The following TARBP1 variants were observed in gnomAD, a reference collection of about 807,000 sequenced individuals.
TARBP1 encodes the protein tRNA (guanosine(18)-2'-O)-methyltransferase TARBP1.
TARBP1 carries 144 observed loss-of-function variants against 178.6 expected under a neutral mutation model. The ratio of observed to expected loss-of-function variants is 0.81; its 90% CI spans 0.70 to 0.93. The LOEUF (loss-of-function observed/expected upper bound fraction) is 0.93, where lower values mean the gene tolerates loss of function less well. Among genes scored for constraint, TARBP1 ranks in the 40% least tolerant of loss-of-function variants. TARBP1 has a pLI of 0.00. For synonymous variants in TARBP1, 787 were observed against 781.0 expected (o/e 1.01, Z -0.13); for missense variants, 2,067 against 2,011.7 (o/e 1.03, Z -0.53).
chr1:234,412,233 C>A (rs988841051), intron 22 of TARBP1, among the ~76,000 whole-genome samples: 4 of 152,022 alleles, frequency 2.6e-5, no homozygotes, highest in Admixed American at 2.0e-4. Flanking sequence ...ATCAGCCTGG[C>A]CAATATGGTA....
chr1:234,432,596 C>T (rs781107348), intron 14 of TARBP1, among the ~76,000 whole-genome samples: 4 of 152,074 alleles, frequency 2.6e-5, no homozygotes, highest in African/African-American at 7.2e-5. Flanking sequence ...AAAGAGATTC[C>T]AGTTGGTCCA....
In TARBP1 at chr1:234,478,553, G is replaced by C; in HGVS notation, c.551C>G (p.Ala184Gly). The C allele has an allele frequency of 7.4e-7, 1 of 1,344,138 alleles. No homozygotes were observed. The highest frequency in any genetic ancestry group is 9.6e-7 in the Non-Finnish European group (1 of 1,046,648). The allele number at this position is 1,344,138 out of a possible 1,614,324, so 83.3% of individuals were successfully genotyped here. ...GGGDGDEAGP[A>G]EDAAALVAGR... is the part of the protein sequence containing the mutation. ...GGCCACCAGCGCCGCCGCGTCCTCGGCAGGCCCGGCCTCATCCCCGTCCCC... is the reference window on the plus strand; with the variant it reads ...GGCCACCAGCGCCGCCGCGTCCTCGCCAGGCCCGGCCTCATCCCCGTCCCC... Residue 184 changes from alanine (A) to glycine (G), a missense_variant, in exon 1 of 30, where the codon GCC becomes GGC. Coordinates refer to ENST00000040877, the MANE Select transcript of TARBP1 (RefSeq NM_005646.4).
Position 234,437,380 on chromosome 1 carries a change from G to C in TARBP1, c.2135-8C>G. On this transcript the variant is annotated splice_polypyrimidine_tract_variant and splice_region_variant and intron_variant, in intron 12 of 29. Transcript: ENST00000040877. ...GAACAGTAGACACCTCATCTGTATG[G>C]GGGCAAAAAGCATGCAACTAAAATG... 1 of 1,439,324 alleles carries C rather than the reference G, an allele frequency of 6.9e-7. No homozygotes were observed. The highest frequency in any genetic ancestry group is 9.5e-7 in the Non-Finnish European group (1 of 1,055,930). The allele number at this position is 1,439,324 out of a possible 1,614,324, so 89.2% of individuals were successfully genotyped here.
rs935257751 is a variant in TARBP1 at position 234,478,338 on chromosome 1, CCGCCTCGCGCG to C, written c.755_765del (p.Ala252GlyfsTer64). The C allele has an allele frequency of 1.2e-5, 16 of 1,285,406 alleles. No homozygotes were observed. Among genetic ancestry groups the C allele is most frequent in the Non-Finnish European group, 1.5e-5 (15 of 1,022,510 alleles). 79.6% of individuals were successfully genotyped at this position (1,285,406 alleles called of 1,614,324 possible). A position where few individuals can be genotyped will look rare whatever the true frequency, so the allele number is the denominator to read the frequency against. ...CGCCAGCAGCGCCGGGCGTCCGGGC[CCGCCTCGCGCG>C]CGCCGCGGGCGCGGTCGCCGCCGGG... is the stretch of plus-strand genomic sequence containing the variant. On this transcript the variant is annotated frameshift_variant, in exon 1 of 30. Transcript: ENST00000040877. LOFTEE classifies it high-confidence loss of function.
chr1:234,415,101 C>T (rs1009478957), intron 22 of TARBP1, among the ~76,000 whole-genome samples: 1 of 152,134 alleles, frequency 6.6e-6, no homozygotes, highest in Non-Finnish European at 1.5e-5. Flanking sequence ...AGGAGAGGGA[C>T]GAGAAAACAT....
chr1:234,425,194 C>T (rs10910431), intron 20 of TARBP1, among the ~76,000 whole-genome samples: 32,190 of 151,778 alleles, frequency 0.21, 3,609 homozygotes, highest in East Asian at 0.43. Context: ...ATCATGCCAT[C>T]GCACTCCAGC....
In TARBP1 at chr1:234,427,600, C is replaced by T; in HGVS notation, c.3227G>A (p.Gly1076Glu). The change falls in exon 18 of 30, where the codon GGA becomes GAA. Residue 1076 changes from glycine to glutamate, a missense_variant. Physicochemically the swap from Gly to Glu is moderately conservative, Grantham distance 98. Transcript: ENST00000040877. ...SELILEACIF[G>E]TVFRRDQRLV... ...CCTTTGATCACGCCTAAACACAGTT[C>T]CAAATATACAAGCCTCAAGGATAAG... The T allele has an allele frequency of 6.2e-7, 1 of 1,601,112 alleles. No individual in the cohort carries two copies. Among genetic ancestry groups the T allele is most frequent in the South Asian group, 1.1e-5 (1 of 87,894 alleles).
intron 3 of TARBP1, among the ~76,000 whole-genome samples, chr1:234,469,046 G>A (rs1470607153): frequency 1.2e-4 from 14 of 115,060 alleles, no homozygotes; most frequent in Non-Finnish European, 2.0e-4. Flanking sequence ...TGCGAAAGTC[G>A]TTGCGGTTTT....
At chr1:234,457,088 A>G (rs1667354656) in intron 9 of TARBP1, among the ~76,000 whole-genome samples, 1 of 152,198 alleles carries the variant, frequency 6.6e-6, no homozygotes, top group South Asian at 2.1e-4. Flanking sequence ...AAAGGGTGGC[A>G]CAGTAAGAGG....
chr1:234,439,740 C>T (rs570457311), intron 12 of TARBP1, among the ~76,000 whole-genome samples: 14 of 152,230 alleles, frequency 9.2e-5, no homozygotes, highest in African/African-American at 1.4e-4. Flanking sequence ...GCAGGAGAAT[C>T]GCTTGAACCC....
chr1:234,458,276 G>A (rs1369306228), intron 8 of TARBP1, among the ~76,000 whole-genome samples: 2 of 152,182 alleles, frequency 1.3e-5, no homozygotes, highest in South Asian at 2.1e-4. Context: ...CCTGGGAGGT[G>A]GAGGTTGCAG....
rs1666427165 is a variant in TARBP1 at position 234,448,640 on chromosome 1, C to CA, written c.1862-62dup. ...ACAAAATCCTTCAAGGATGATGCTT[C>CA]AAAAAAACCCACTAAATGATTATGC... On this transcript the variant is annotated intron_variant, in intron 10 of 29. Coordinates refer to ENST00000040877, the MANE Select transcript of TARBP1 (RefSeq NM_005646.4). The CA allele has an allele frequency of 7.1e-6, 9 of 1,275,548 alleles. No homozygotes were observed. In the East Asian group the frequency reaches 1.2e-4, roughly 17 times the overall value. The allele number at this position is 1,275,548 out of a possible 1,614,324, so 79.0% of individuals were successfully genotyped here.
Position 234,478,339 on chromosome 1 carries a change from C to T in TARBP1, c.765G>A (p.Ala255=), listed in dbSNP as rs1008161684. The T allele has an allele frequency of 7.0e-6, 9 of 1,282,910 alleles. No individual in the cohort carries two copies. The South Asian group carries it at 1.1e-4, about 16-fold the overall frequency. 79.5% of individuals were successfully genotyped at this position (1,282,910 alleles called of 1,614,324 possible). A position where few individuals can be genotyped will look rare whatever the true frequency, so the allele number is the denominator to read the frequency against. The change falls in exon 1 of 30, where the codon GCG becomes GCA. Residue 255 remains alanine (A), a synonymous_variant. Coordinates refer to ENST00000040877, the MANE Select transcript of TARBP1 (RefSeq NM_005646.4). The stretch of plus-strand genomic sequence containing the variant: ...GCCAGCAGCGCCGGGCGTCCGGGCC[C>T]GCCTCGCGCGCGCCGCGGGCGCGGT... ...GGDRARGARE[A]GPDARRCWRF...
chr1:234,395,178 C>A (rs549196617), intron 26 of TARBP1, among the ~76,000 whole-genome samples: 13 of 152,172 alleles, frequency 8.5e-5, no homozygotes, highest in South Asian at 8.3e-4. Context: ...GAGCTGAGAT[C>A]GTGCCACTTC....
intron 23 of TARBP1, 124 bp from the exon 24 acceptor site, chr1:234,406,223 T>C: frequency 2.4e-6 from 2 of 843,016 alleles, no homozygotes; most frequent in Non-Finnish European, 3.7e-6. Context: ...CCACTGGCTT[T>C]GCTACCAGGG....
chr1:234,447,393 A>AC (rs1666297698), intron 11 of TARBP1, among the ~76,000 whole-genome samples: 1 of 127,572 alleles, frequency 7.8e-6, no homozygotes, highest in African/African-American at 3.0e-5. Flanking sequence ...CTGTTAACCA[A>AC]CTTTTTTTTT....
Position 234,478,596 on chromosome 1 carries a change from G to A in TARBP1, c.508C>T (p.Leu170=), listed in dbSNP as rs1463290402. The stretch of plus-strand genomic sequence containing the variant: ...CCGTCCCCGCCCCCGCCCAGCGCCA[G>A]GGCGACGGCGGTCCCCGCCACGCGC... ...LERVAGTAVA[L]ALGGGGDGDE... is the part of the protein sequence containing the mutation. The change falls in exon 1 of 30, where the codon CTG becomes TTG. Residue 170 remains leucine, a synonymous_variant. Coordinates refer to ENST00000040877, the MANE Select transcript of TARBP1 (RefSeq NM_005646.4). 3 of 1,297,378 alleles carry A rather than the reference G, an allele frequency of 2.3e-6. No individual in the cohort carries two copies. Among genetic ancestry groups the A allele is most frequent in the Non-Finnish European group, 2.0e-6 (2 of 1,024,922 alleles). 80.4% of individuals were successfully genotyped at this position (1,297,378 alleles called of 1,614,324 possible).
intron 10 of TARBP1, 22 bp downstream of exon 10, chr1:234,450,406 A>G: frequency 6.4e-7 from 1 of 1,551,750 alleles, no homozygotes; most frequent in African/African-American, 1.4e-5. Flanking sequence ...ATATCAATCC[A>G]TAAAAATGAT....
chr1:234,432,287 C>A (rs1057125441), intron 14 of TARBP1, among the ~76,000 whole-genome samples: 3 of 151,488 alleles, frequency 2.0e-5, no homozygotes, highest in African/African-American at 7.3e-5. Flanking sequence ...ACTAAAAATA[C>A]AAAAATTAGC....
Sources: gnomAD v4.1 joint callset for allele counts (sites outside exome capture counted in the v4.1 genomes callset) on GRCh38, gnomAD v4.1.1 for gene constraint, MANE v1.5 for transcripts, NCBI Gene and HGNC (gene_info 2026-07-23, HGNC 2026-07-21) for gene names.